Variants in CPEB4 observed in about 807,000 individuals in gnomAD.
CPEB4 encodes the protein cytoplasmic polyadenylation element-binding protein 4.
Under a neutral mutation model 72.5 loss-of-function variants are expected in CPEB4, and 12 were observed. The observed-to-expected ratio is 0.17, with a 90% confidence interval of 0.11 to 0.27. The LOEUF (loss-of-function observed/expected upper bound fraction) is 0.27. Ranked by LOEUF, CPEB4 falls within the 10% of genes least tolerant of loss-of-function variation. CPEB4 has a pLI of 1.00. For synonymous variants in CPEB4, 302 were observed against 326.3 expected (o/e 0.93, Z 0.80); for missense variants, 614 against 908.5 (o/e 0.68, Z 4.17).
intron 2 of CPEB4, among the ~76,000 whole-genome samples, chr5:173,932,226 A>G (rs1757471550): frequency 6.6e-6 from 1 of 152,216 alleles, no homozygotes; most frequent in Admixed American, 6.5e-5. Context: ...ATTACCTTGG[A>G]TGGAAATTTG....
At chr5:173,915,010 T>C (rs749187277) in intron 2 of CPEB4, among the ~76,000 whole-genome samples, 41 of 152,224 alleles carry the variant, frequency 2.7e-4, no homozygotes, top group Non-Finnish European at 5.7e-4. Context: ...CTACGGGAAC[T>C]ACCAGTTGAA....
intron 9 of CPEB4, among the ~76,000 whole-genome samples, chr5:173,954,713 T>C (rs955993759): frequency 6.6e-6 from 1 of 152,118 alleles, no homozygotes; most frequent in Non-Finnish European, 1.5e-5. Context: ...AATACCTACA[T>C]CTCACTGCCT....
At chr5:173,918,664 C>A (rs193282046) in intron 2 of CPEB4, among the ~76,000 whole-genome samples, 158 of 152,322 alleles carry the variant, frequency 1.0e-3, no homozygotes, top group African/African-American at 3.7e-3. Context: ...TCCTCATCTG[C>A]CCCGTTTACT....
In CPEB4 at chr5:173,957,801, C is replaced by T. The variant is rs1758426175; in HGVS notation, c.*1664C>T. 1 of 152,786 alleles carries T rather than the reference C, an allele frequency of 6.5e-6. No homozygotes were observed. The highest frequency in any genetic ancestry group is 6.5e-5 in the Admixed American group (1 of 15,274). The allele number at this position is 152,786 out of a possible 1,614,324, so 9.5% of individuals were successfully genotyped here. A position where few individuals can be genotyped will look rare whatever the true frequency, so the allele number is the denominator to read the frequency against. On this transcript the variant is annotated 3_prime_UTR_variant, in exon 10 of 10. Transcript: ENST00000265085. The stretch of plus-strand genomic sequence containing the variant: ...TGTGGAACCACCTGGCTTATGACCC[C>T]TATGGATGATCTTTAGGAAAAGCAG...
chr5:173,897,551 A>C (rs1235072732), intron 1 of CPEB4, among the ~76,000 whole-genome samples: 1 of 152,212 alleles, frequency 6.6e-6, no homozygotes, highest in Non-Finnish European at 1.5e-5. Context: ...GACCTGTGCT[A>C]ATCTTTGAGT....
chr5:173,891,711 T>G (rs1360732058), intron 1 of CPEB4: 1 of 152,132 alleles, frequency 6.6e-6, no homozygotes, highest in Non-Finnish European at 1.5e-5. Context: ...GCAAGTTAGG[T>G]TGATATGAAC....
chr5:173,956,153 C>T lies in CPEB4; in HGVS notation c.*16C>T, dbSNP rs200713430. 43 of 1,603,316 alleles carry T rather than the reference C, an allele frequency of 2.7e-5. No homozygotes were observed. The East Asian group carries it at 9.1e-4, about 34-fold the overall frequency. On this transcript the variant is annotated 3_prime_UTR_variant, in exon 10 of 10. Coordinates refer to ENST00000265085, the MANE Select transcript of CPEB4 (RefSeq NM_030627.4). ...CTGGAACTAAAGGATAACTGCAGTGCTCATTTTCAGGCCTCAGAATAAGTG... is the reference window on the plus strand; with the variant it reads ...CTGGAACTAAAGGATAACTGCAGTGTTCATTTTCAGGCCTCAGAATAAGTG...
Position 173,956,032 on chromosome 5 carries a change from A to C in CPEB4, c.2085A>C (p.Glu695Asp), listed in dbSNP as rs546129280. 8 of 1,614,032 alleles carry C rather than the reference A, an allele frequency of 5.0e-6. No homozygotes were observed. The highest frequency in any genetic ancestry group is 1.1e-5 in the South Asian group (1 of 91,082). Residue 695 changes from glutamate to aspartate, a missense_variant, in exon 10 of 10, where the codon GAA (glutamate) becomes GAC (aspartate). Coordinates refer to ENST00000265085, the MANE Select transcript of CPEB4 (RefSeq NM_030627.4). ...ANVTCLQYYC[E>D]YCWAAIHSRA... Reference sequence around the variant, plus strand: ...TTACCTGTCTGCAGTATTACTGTGAATATTGCTGGGCTGCTATCCATTCTC... The same window carrying C: ...TTACCTGTCTGCAGTATTACTGTGACTATTGCTGGGCTGCTATCCATTCTC...
At chr5:173,927,066 A>ACTTGAACCTGGGAGGCTCC (rs1425425467) in intron 2 of CPEB4, among the ~76,000 whole-genome samples, 3 of 151,978 alleles carry the variant, frequency 2.0e-5, no homozygotes, top group Admixed American at 2.0e-4. Context: ...TGGGAGAATC[A>ACTTGAACCTGGGAGGCTCC]CTTGAACCTG....
At chr5:173,912,864 C>T (rs1447497591) in intron 2 of CPEB4, among the ~76,000 whole-genome samples, 3 of 148,828 alleles carry the variant, frequency 2.0e-5, no homozygotes, top group African/African-American at 7.5e-5. Flanking sequence ...ATCACTTGGG[C>T]CCAGAAGGTT....
At position 173,890,981 on chromosome 5, in the gene CPEB4, C is replaced by G. The variant is rs191913108; in HGVS notation, c.1125+123C>G. 11 of 917,592 alleles carry G rather than the reference C, an allele frequency of 1.2e-5. No individual in the cohort carries two copies. In the Admixed American group the frequency reaches 1.9e-4, roughly 16 times the overall value. 56.8% of individuals were successfully genotyped at this position (917,592 alleles called of 1,614,324 possible). ...AGCTTTTCTTAGAGAGAAAATGAAT[C>G]AATAACCAGACTTTATTTTAGCAGG... On this transcript the variant is annotated intron_variant, in intron 1 of 9. Transcript: ENST00000265085.
At chr5:173,905,778 G>A (rs1756414382) in intron 1 of CPEB4, among the ~76,000 whole-genome samples, 1 of 152,158 alleles carries the variant, frequency 6.6e-6, no homozygotes, top group African/African-American at 2.4e-5. Context: ...TGCCATAATT[G>A]TCATAATTTA....
intron 2 of CPEB4, among the ~76,000 whole-genome samples, chr5:173,912,672 C>T (rs1364972370): frequency 3.4e-5 from 5 of 146,724 alleles, no homozygotes; most frequent in Non-Finnish European, 7.5e-5. Context: ...CGGTGGCTCA[C>T]GCTTATAATC....
chr5:173,948,335 G>A (rs1329608346), intron 5 of CPEB4, among the ~76,000 whole-genome samples: 1 of 152,156 alleles, frequency 6.6e-6, no homozygotes, highest in African/African-American at 2.4e-5. Flanking sequence ...GAATACAAAA[G>A]GAGAAAAGGT....
Position 173,888,761 on chromosome 5 carries a change from G to A in CPEB4, c.-973G>A. ...ACAAACCGCCCCTGGGTCCCATGAG[G>A]GAAAAAAACCCCGGAGCCGCAGAGA... On this transcript the variant is annotated 5_prime_UTR_variant, in exon 1 of 10. Coordinates refer to ENST00000265085, the MANE Select transcript of CPEB4 (RefSeq NM_030627.4). This position sits in a 1 kb window ranked among gnomAD's most constrained non-coding sequence, Gnocchi z 4.3. 2.6e-6 allele frequency: 1 copy of A among 381,128 alleles called. No homozygotes were observed. Among genetic ancestry groups the A allele is most frequent in the South Asian group, 1.4e-4 (1 of 6,990 alleles). 23.6% of individuals were successfully genotyped at this position (381,128 alleles called of 1,614,324 possible). A position where few individuals can be genotyped will look rare whatever the true frequency, so the allele number is the denominator to read the frequency against.
At chr5:173,954,059 T>C (rs1758297819) in intron 9 of CPEB4, among the ~76,000 whole-genome samples, 1 of 152,170 alleles carries the variant, frequency 6.6e-6, no homozygotes, top group South Asian at 2.1e-4. Context: ...AATATATTGA[T>C]TTATATTTTG....
At chr5:173,896,524 G>A (rs905242268) in intron 1 of CPEB4, among the ~76,000 whole-genome samples, 2 of 152,154 alleles carry the variant, frequency 1.3e-5, no homozygotes, top group Non-Finnish European at 2.9e-5. Context: ...TTCTGAAGGT[G>A]AAAAGTGAAC....
intron 2 of CPEB4, among the ~76,000 whole-genome samples, chr5:173,918,644 A>G (rs143209713): frequency 8.7e-4 from 133 of 152,356 alleles, no homozygotes; most frequent in African/African-American, 2.9e-3. Flanking sequence ...CATCTTGTGC[A>G]TGGGCCAGAT....
At chr5:173,949,453 CA>C (rs759524879) in intron 5 of CPEB4, 54 bp from the exon 6 acceptor site, 1 of 1,340,828 alleles carries the variant, frequency 7.5e-7, no homozygotes, top group South Asian at 1.3e-5. Context: ...GAAAAACTTT[CA>C]AAAAATGATC....
Sources: gnomAD v4.1 joint callset for allele counts (sites outside exome capture counted in the v4.1 genomes callset) on GRCh38, gnomAD v4.1.1 for gene constraint, Gnocchi (gnomAD v3.1) non-coding constraint, MANE v1.5 for transcripts, NCBI Gene and HGNC (gene_info 2026-07-23, HGNC 2026-07-21) for gene names.